Variants in CCDC70 observed in about 807,000 individuals in gnomAD.
CCDC70 encodes the protein coiled-coil domain-containing protein 70.
Under a neutral mutation model 9.1 loss-of-function variants are expected in CCDC70, and 4 were observed. The ratio of observed to expected loss-of-function variants is 0.44; its 90% CI spans 0.22 to 1.00. The LOEUF (loss-of-function observed/expected upper bound fraction) is 1.00. Among genes scored for constraint, CCDC70 ranks in the 50% least tolerant of loss-of-function variants. CCDC70 has a pLI of 0.25. For synonymous variants in CCDC70, 119 were observed against 94.0 expected (o/e 1.27, Z -1.54); for missense variants, 308 against 271.3 (o/e 1.14, Z -0.95).
intron 1 of CCDC70, among the ~76,000 whole-genome samples, chr13:51,865,012 C>T (rs1232882520): frequency 1.3e-5 from 2 of 152,134 alleles, no homozygotes; most frequent in Non-Finnish European, 2.9e-5. Context: ...TAAATTCATT[C>T]GGATTGATTT....
intron 1 of CCDC70, among the ~76,000 whole-genome samples, chr13:51,863,432 T>TA (rs966132665): frequency 4.6e-5 from 7 of 152,100 alleles, no homozygotes; most frequent in Non-Finnish European, 2.9e-5. Context: ...GCGAGACTGT[T>TA]ACAGGCATCC....
chr13:51,865,473 C>A lies in CCDC70; in HGVS notation c.62C>A (p.Ser21Tyr), dbSNP rs767767364. Residue 21 changes from serine (S) to tyrosine (Y), a missense_variant, in exon 2 of 2, where the codon TCC (serine) becomes TAC (tyrosine). By Grantham distance (144) the Ser-to-Tyr change is moderately radical (BLOSUM62 -2). Coordinates refer to ENST00000242819, the MANE Select transcript of CCDC70 (RefSeq NM_031290.4). ...GLACFRSLAA[S>Y]SPSIRQKKLM... The stretch of plus-strand genomic sequence containing the variant: ...GCCTGCTTCCGGTCCCTGGCGGCAT[C>A]CTCTCCCAGTATTCGCCAGAAGAAA... 1 of 1,614,204 alleles carries A rather than the reference C, an allele frequency of 6.2e-7. No homozygotes were observed. Among genetic ancestry groups the A allele is most frequent in the Admixed American group, 1.7e-5 (1 of 60,022 alleles).
chr13:51,864,758 A>C (rs1167518529), intron 1 of CCDC70, among the ~76,000 whole-genome samples: 1 of 152,156 alleles, frequency 6.6e-6, no homozygotes, highest in Admixed American at 6.5e-5. Flanking sequence ...ATTGTTCCAT[A>C]TTACTAAATA....
intron 1 of CCDC70, among the ~76,000 whole-genome samples, chr13:51,863,864 G>A (rs1956400472): frequency 6.6e-6 from 1 of 152,138 alleles, no homozygotes; most frequent in Non-Finnish European, 1.5e-5. Flanking sequence ...GCTTCCTCCA[G>A]AAAGCACAAA....
intron 1 of CCDC70, among the ~76,000 whole-genome samples, chr13:51,862,658 C>G (rs1956390706): frequency 6.6e-6 from 1 of 152,062 alleles, no homozygotes; most frequent in Non-Finnish European, 1.5e-5. Context: ...TCAGTCTGAG[C>G]TTAGGAGAGA....
At chr13:51,864,927 C>T (rs760696583) in intron 1 of CCDC70, among the ~76,000 whole-genome samples, 1 of 152,168 alleles carries the variant, frequency 6.6e-6, no homozygotes, top group Non-Finnish European at 1.5e-5. Context: ...GTCCCAGGCT[C>T]GTAACAGAGG....
chr13:51,865,259 CAGTAGT>C, intron 1 of CCDC70, 67 bp from the exon 2 acceptor site: 1 of 720,866 alleles, frequency 1.4e-6, no homozygotes, highest in South Asian at 2.2e-5. Flanking sequence ...TTCTCAAATT[CAGTAGT>C]ACAGAACCAA....
chr13:51,866,136 T>C lies in CCDC70; in HGVS notation c.*56T>C. On this transcript the variant is annotated 3_prime_UTR_variant, in exon 2 of 2. Coordinates refer to ENST00000242819, the MANE Select transcript of CCDC70 (RefSeq NM_031290.4). ...AGACTCCCCTGGGTTGGGATTCAAG[T>C]CCAGGGTGAGCCCATGTGCTGGAGA... 7.1e-7 allele frequency: 1 copy of C among 1,399,182 alleles called. No individual in the cohort carries two copies. Among genetic ancestry groups the C allele is most frequent in the Non-Finnish European group, 9.7e-7 (1 of 1,036,222 alleles). 86.7% of individuals were successfully genotyped at this position (1,399,182 alleles called of 1,614,324 possible).
At chr13:51,865,223 T>G in intron 1 of CCDC70, 109 bp from the exon 2 acceptor site, 1 of 585,636 alleles carries the variant, frequency 1.7e-6, no homozygotes, top group Non-Finnish European at 2.9e-6. Flanking sequence ...AACACCACCA[T>G]GTGGACAAAG....
intron 1 of CCDC70, among the ~76,000 whole-genome samples, chr13:51,864,653 T>C (rs1170581147): frequency 6.6e-6 from 1 of 152,218 alleles, no homozygotes; most frequent in African/African-American, 2.4e-5. Flanking sequence ...CAAAGCTCCT[T>C]GAACACACTT....
At position 51,865,593 on chromosome 13, in the gene CCDC70, TC is replaced by T; in HGVS notation, c.184del (p.Arg62GlufsTer93). 1 of 1,614,162 alleles carries T rather than the reference TC, an allele frequency of 6.2e-7. No individual in the cohort carries two copies. The highest frequency in any genetic ancestry group is 8.5e-7 in the Non-Finnish European group (1 of 1,180,022). On this transcript the variant is annotated frameshift_variant, in exon 2 of 2. Coordinates refer to ENST00000242819, the MANE Select transcript of CCDC70 (RefSeq NM_031290.4). LOFTEE classifies it high-confidence loss of function. ...GACTTCAGGGAAGAGATGTGGACTTTCCGAGGCAAGATCCATGCTTTCCGGG... is the reference window on the plus strand; with the variant it reads ...GACTTCAGGGAAGAGATGTGGACTTTCGAGGCAAGATCCATGCTTTCCGGG... Reference protein sequence around the residue: ...IEDFREEMWTFRGKIHAFRGQ... With the variant: ...IEDFREEMWTXRGKIHAFRGQ...
Position 51,865,653 on chromosome 13 carries a change from C to G in CCDC70, c.242C>G (p.Pro81Arg). 6.2e-7 allele frequency: 1 copy of G among 1,614,158 alleles called. No homozygotes were observed. The highest frequency in any genetic ancestry group is 8.5e-7 in the Non-Finnish European group (1 of 1,180,014). ...QILGFWEEER[P>R]FWEEEKTFWK... Reference sequence around the variant, plus strand: ...CTGGGTTTTTGGGAAGAGGAGAGACCTTTCTGGGAAGAGGAGAAAACCTTC... The same window carrying G: ...CTGGGTTTTTGGGAAGAGGAGAGACGTTTCTGGGAAGAGGAGAAAACCTTC... Residue 81 changes from proline (P) to arginine (R), a missense_variant, in exon 2 of 2, where the codon CCT becomes CGT. Physicochemically the swap from Pro to Arg is moderately radical, Grantham distance 103 (BLOSUM62 -2). Transcript: ENST00000242819.
rs759245518 is a variant in CCDC70, at chr13:51,866,026, C to T, written c.615C>T (p.Pro205=). 7.5e-6 allele frequency: 12 copies of T among 1,608,658 alleles called. No homozygotes were observed. In the South Asian group the frequency reaches 1.3e-4, roughly 18 times the overall value. ...IAGEQMLEDG[P]HNANRGQRLL... ...GAGAGCAGATGCTCGAAGATGGGCC[C>T]CACAACGCCAACAGAGGGCAGCGCT... The change falls in exon 2 of 2, where the codon CCC becomes CCT. Residue 205 remains proline (P), a synonymous_variant. Coordinates refer to ENST00000242819, the MANE Select transcript of CCDC70 (RefSeq NM_031290.4).
rs1219386877 is a variant in CCDC70 at position 51,866,203 on chromosome 13, A to G, written c.*123A>G. Reference sequence around the variant, plus strand: ...GTCTCCTTGCTTTGAAAGATCCAATAAAGTCCTGAGGCAAGGTTTGGAAAA... The same window carrying G: ...GTCTCCTTGCTTTGAAAGATCCAATGAAGTCCTGAGGCAAGGTTTGGAAAA... On this transcript the variant is annotated 3_prime_UTR_variant, in exon 2 of 2. Coordinates refer to ENST00000242819, the MANE Select transcript of CCDC70 (RefSeq NM_031290.4). The G allele has an allele frequency of 2.3e-6, 2 of 885,948 alleles. No homozygotes were observed. Among genetic ancestry groups the G allele is most frequent in the East Asian group, 2.7e-5 (1 of 36,594 alleles). The allele number at this position is 885,948 out of a possible 1,614,324, so 54.9% of individuals were successfully genotyped here.
At chr13:51,865,072 G>A (rs1452163604) in intron 1 of CCDC70, among the ~76,000 whole-genome samples, 1 of 152,170 alleles carries the variant, frequency 6.6e-6, no homozygotes, top group East Asian at 1.9e-4. Flanking sequence ...TATGTGTTCT[G>A]ATACCCTAGT....
intron 1 of CCDC70, among the ~76,000 whole-genome samples, chr13:51,863,196 G>A (rs1222435355): frequency 6.6e-6 from 1 of 152,222 alleles, no homozygotes; most frequent in East Asian, 1.9e-4. Context: ...CGTTAATACT[G>A]GGCCTTAGAT....
rs1956413206 is a variant in CCDC70 at position 51,865,445 on chromosome 13, C to G, written c.34C>G (p.Leu12Val). The G allele has an allele frequency of 1.9e-6, 3 of 1,614,004 alleles. No homozygotes were observed. The highest frequency in any genetic ancestry group is 1.7e-5 in the Admixed American group (1 of 59,966). ...FSFKVSRWMGLACFRSLAASS... is the reference protein window; with the variant it reads ...FSFKVSRWMGVACFRSLAASS... ...CTTCAAGGTGAGCAGATGGATGGGG[C>G]TTGCCTGCTTCCGGTCCCTGGCGGC... is the stretch of plus-strand genomic sequence containing the variant. The change falls in exon 2 of 2, where the codon CTT (leucine) becomes GTT (valine). Residue 12 changes from leucine (L) to valine (V), a missense_variant. Leu to Val is a conservative substitution (Grantham distance 32). Transcript: ENST00000242819.
At chr13:51,864,601 GGGATGGTCATT>G (rs1482236194) in intron 1 of CCDC70, among the ~76,000 whole-genome samples, 1 of 152,122 alleles carries the variant, frequency 6.6e-6, no homozygotes, top group Non-Finnish European at 1.5e-5. Context: ...CCACTCTATT[GGGATGGTCATT>G]GGATTGTTTC....
Position 51,866,156 on chromosome 13 carries a change from T to C in CCDC70, c.*76T>C. On this transcript the variant is annotated 3_prime_UTR_variant, in exon 2 of 2. Coordinates refer to ENST00000242819, the MANE Select transcript of CCDC70 (RefSeq NM_031290.4). The stretch of plus-strand genomic sequence containing the variant: ...TCAAGTCCAGGGTGAGCCCATGTGC[T>C]GGAGAAAATACACACTCATTGGTCT... The C allele has an allele frequency of 2.4e-5, 30 of 1,228,748 alleles. No individual in the cohort carries two copies. The South Asian group carries it at 5.0e-4, about 20-fold the overall frequency. 76.1% of individuals were successfully genotyped at this position (1,228,748 alleles called of 1,614,324 possible). A position where few individuals can be genotyped will look rare whatever the true frequency, so the allele number is the denominator to read the frequency against.
Sources: allele counts gnomAD v4.1 joint callset (sites outside exome capture counted in the v4.1 genomes callset), GRCh38; gene constraint gnomAD v4.1.1; transcripts MANE v1.5; gene names NCBI Gene and HGNC (gene_info 2026-07-23, HGNC 2026-07-21).